The following CADPS2 variants were observed in gnomAD, a reference collection of about 807,000 sequenced individuals.
CADPS2 encodes the protein calcium-dependent secretion activator 2.
A neutral mutation model predicts 172.5 loss-of-function variants in CADPS2; 93 were observed. That is an observed-to-expected ratio of 0.54 (90% CI 0.46 to 0.64). The LOEUF is 0.64. Among genes scored for constraint, CADPS2 ranks in the 30% least tolerant of loss-of-function variants. The probability of loss-of-function intolerance (pLI) is 0.00; values close to 1 mark genes in which losing one functional copy is unlikely to be tolerated. For missense variants in CADPS2, 1,420 were observed against 1,565.9 expected, an observed-to-expected ratio of 0.91 and a Z score of 1.57; for synonymous variants, 546 against 555.2, an observed-to-expected ratio of 0.98 and a Z score of 0.23.
At chr7:122,737,096 T>C in intron 1 of CADPS2, 28 bp from the exon 2 acceptor site, 1 of 1,216,494 alleles carries the variant, frequency 8.2e-7, no homozygotes, top group East Asian at 2.3e-5. Context: ...AATAAGCAGA[T>C]AAATTGGCCA....
At chr7:122,516,167 G>C (rs930533521) in intron 8 of CADPS2, among the ~76,000 whole-genome samples, 1 of 152,042 alleles carries the variant, frequency 6.6e-6, no homozygotes, top group Non-Finnish European at 1.5e-5. Flanking sequence ...TCTGGGATTA[G>C]GTATCAAGTA....
chr7:122,606,283 A>G (rs544021708), intron 6 of CADPS2, among the ~76,000 whole-genome samples: 1 of 152,276 alleles, frequency 6.6e-6, no homozygotes, highest in East Asian at 1.9e-4. Flanking sequence ...TGACTGTGAA[A>G]GGCAGGCTGA....
At chr7:122,515,524 C>T (rs1409429480) in intron 8 of CADPS2, among the ~76,000 whole-genome samples, 4 of 152,128 alleles carry the variant, frequency 2.6e-5, no homozygotes, top group African/African-American at 4.8e-5. Flanking sequence ...GCAAGATATG[C>T]ACCAAATAGC....
chr7:122,358,553 T>C (rs75976133), intron 27 of CADPS2, among the ~76,000 whole-genome samples: 401 of 152,226 alleles, frequency 2.6e-3, no homozygotes, highest in African/African-American at 9.0e-3. Flanking sequence ...ATATTTTATC[T>C]TATATTTTCT....
chr7:122,835,719 A>C (rs2140763105), intron 1 of CADPS2, among the ~76,000 whole-genome samples: 1 of 152,332 alleles, frequency 6.6e-6, no homozygotes, highest in African/African-American at 2.4e-5. Flanking sequence ...TGAAGTGAGA[A>C]GTTTAGAGAA....
intron 22 of CADPS2, among the ~76,000 whole-genome samples, chr7:122,391,174 A>T (rs1044899491): frequency 1.3e-5 from 2 of 152,088 alleles, no homozygotes; most frequent in African/African-American, 2.4e-5. Flanking sequence ...GTAATTCTGG[A>T]CACTCTGACA....
chr7:122,446,736 G>A (rs2052267948), intron 15 of CADPS2, among the ~76,000 whole-genome samples: 1 of 152,108 alleles, frequency 6.6e-6, no homozygotes, highest in Non-Finnish European at 1.5e-5. Context: ...GAAATCTCTG[G>A]CTACCTTGGC....
At chr7:122,381,269 A>G (rs1219015040) in intron 24 of CADPS2, among the ~76,000 whole-genome samples, 1 of 152,104 alleles carries the variant, frequency 6.6e-6, no homozygotes, top group East Asian at 1.9e-4. Flanking sequence ...AGATCAGTGT[A>G]TTCAGCAAGA....
chr7:122,793,646 A>G (rs999235376), intron 1 of CADPS2, among the ~76,000 whole-genome samples: 1 of 152,144 alleles, frequency 6.6e-6, no homozygotes, highest in Non-Finnish European at 1.5e-5. Flanking sequence ...TAGTATTGAT[A>G]CGTGTGAATT....
At chr7:122,745,753 G>A (rs1292404487) in intron 1 of CADPS2, among the ~76,000 whole-genome samples, 4 of 151,846 alleles carry the variant, frequency 2.6e-5, no homozygotes, top group African/African-American at 7.2e-5. Context: ...TACTGGGATA[G>A]CTACATCCTC....
At chr7:122,331,106 T>C (rs1563081724) in intron 28 of CADPS2, 2 of 152,150 alleles carry the variant, frequency 1.3e-5, no homozygotes, top group African/African-American at 2.4e-5. Context: ...AGCTTTATTC[T>C]TCCAGAATAA....
intron 18 of CADPS2, 66 bp from the exon 19 acceptor site, chr7:122,414,142 CT>C (rs2047620393): frequency 2.3e-6 from 3 of 1,282,808 alleles, no homozygotes; most frequent in African/African-American, 1.5e-5. Flanking sequence ...TACAAAACAT[CT>C]TTAAAAAAGG....
intron 2 of CADPS2, among the ~76,000 whole-genome samples, chr7:122,717,614 A>G (rs2089796749): frequency 6.6e-6 from 1 of 152,146 alleles, no homozygotes; most frequent in Non-Finnish European, 1.5e-5. Context: ...ACAACACTCT[A>G]ATATAGAAAA....
chr7:122,788,422 G>T (rs192139173), intron 1 of CADPS2, among the ~76,000 whole-genome samples: 1 of 152,294 alleles, frequency 6.6e-6, no homozygotes, highest in Admixed American at 6.5e-5. Flanking sequence ...TTTGTAGTTT[G>T]CAAGCAAACA....
intron 27 of CADPS2, among the ~76,000 whole-genome samples, chr7:122,352,294 A>C (rs2038787632): frequency 6.6e-6 from 1 of 152,250 alleles, no homozygotes; most frequent in African/African-American, 2.4e-5. Flanking sequence ...CAGTTGTGTC[A>C]ATTAGAAAAT....
At chr7:122,777,468 G>T (rs947651402) in intron 1 of CADPS2, among the ~76,000 whole-genome samples, 6 of 152,156 alleles carry the variant, frequency 3.9e-5, no homozygotes. Context: ...AATTGCAAAG[G>T]AGCCTGGAAA....
intron 9 of CADPS2, among the ~76,000 whole-genome samples, chr7:122,494,692 A>G (rs2058592315): frequency 6.6e-6 from 1 of 152,008 alleles, no homozygotes; most frequent in Non-Finnish European, 1.5e-5. Flanking sequence ...GAATAAAGTT[A>G]TTTCTATTTT....
At chr7:122,387,374 A>G (rs1233238328) in intron 23 of CADPS2, among the ~76,000 whole-genome samples, 1 of 152,076 alleles carries the variant, frequency 6.6e-6, no homozygotes, top group African/African-American at 2.4e-5. Flanking sequence ...TCATATTTTT[A>G]TATTAAGCCT....
chr7:122,548,265 C>T (rs2063830856), intron 8 of CADPS2, among the ~76,000 whole-genome samples: 1 of 151,968 alleles, frequency 6.6e-6, no homozygotes, highest in Admixed American at 6.6e-5. Context: ...CCCAGCTACT[C>T]ACGAGGCTGA....
Sources: allele counts gnomAD v4.1 joint callset (sites outside exome capture counted in the v4.1 genomes callset), GRCh38; gene constraint gnomAD v4.1.1; transcripts MANE v1.5; gene names NCBI Gene and HGNC (gene_info 2026-07-23, HGNC 2026-07-21).